The following LUZP2 variants were observed in gnomAD, a reference collection of about 807,000 sequenced individuals.
LUZP2 encodes leucine zipper protein 2.
A neutral mutation model predicts 51.6 loss-of-function variants in LUZP2; 52 were observed. The observed-to-expected ratio is 1.01, with a 90% CI of 0.81 to 1.27. The LOEUF (loss-of-function observed/expected upper bound fraction) is 1.27. LUZP2 is among the 50% of genes most tolerant of loss of function. The pLI, the probability that LUZP2 is intolerant of heterozygous loss-of-function variation, is 0.00. For synonymous variants in LUZP2, 154 were observed against 137.3 expected (o/e 1.12, Z -0.85); for missense variants, 436 against 395.4 (o/e 1.10, Z -0.87).
At chr11:24,734,449 A>T (rs1033672317) in intron 3 of LUZP2, among the ~76,000 whole-genome samples, 8 of 151,904 alleles carry the variant, frequency 5.3e-5, no homozygotes, top group Non-Finnish European at 1.0e-4. Flanking sequence ...CTACCAGATG[A>T]TAGAACAAGT....
chr11:24,775,546 A>G (rs1848891796), intron 5 of LUZP2, among the ~76,000 whole-genome samples: 1 of 152,200 alleles, frequency 6.6e-6, no homozygotes, highest in African/African-American at 2.4e-5. Flanking sequence ...TTTACTTAGT[A>G]TTCCAGAGGT....
At chr11:24,773,765 C>A (rs896159824) in intron 5 of LUZP2, among the ~76,000 whole-genome samples, 4 of 152,084 alleles carry the variant, frequency 2.6e-5, no homozygotes, top group African/African-American at 7.2e-5. Flanking sequence ...TTATAATCAG[C>A]AAAAGGCTAC....
chr11:24,819,908 A>G (rs1298955192), intron 5 of LUZP2, among the ~76,000 whole-genome samples: 1 of 152,154 alleles, frequency 6.6e-6, no homozygotes, highest in Non-Finnish European at 1.5e-5. Context: ...GAAAATGAAA[A>G]TGACAATTCC....
rs1228129490 is a variant in LUZP2 at position 24,565,189 on chromosome 11, C to T, written c.62+67884C>T. ...CATGAGGAAGGCTGGATGTAGTCGC[C>T]CTCTGAACTTTGTGTCTAGGACTGG... On this transcript the variant is annotated intron_variant, in intron 1 of 11. Transcript: ENST00000336930. Among the ~76,000 whole-genome samples, 3 of 152,110 alleles carry T rather than the reference C, an allele frequency of 2.0e-5. No homozygotes were observed. In the East Asian group the frequency reaches 5.8e-4, roughly 29 times the overall value.
intron 9 of LUZP2, among the ~76,000 whole-genome samples, chr11:25,006,619 C>A (rs1256048698): frequency 6.6e-6 from 1 of 152,212 alleles, no homozygotes; most frequent in African/African-American, 2.4e-5. Flanking sequence ...GTATTTAGCC[C>A]CCAAATTCTA....
intron 5 of LUZP2, among the ~76,000 whole-genome samples, chr11:24,865,708 G>A (rs936063203): frequency 1.6e-5 from 1 of 64,442 alleles, no homozygotes; most frequent in Non-Finnish European, 3.8e-5. Context: ...TTATATGTTT[G>A]TGTATATATA....
At position 25,050,132 on chromosome 11, in the gene LUZP2, T is replaced by C. The variant is rs747870233; in HGVS notation, c.858+2T>C. ...ACCACTGCCTGTGACTCTCAAGATG[T>C]AAGAAAAACTTAAGATGCTTTTTAC... On this transcript the variant is annotated splice_donor_variant, in intron 10 of 11. Coordinates refer to ENST00000336930, the MANE Select transcript of LUZP2 (RefSeq NM_001009909.4). LOFTEE classifies it high-confidence loss of function. 2 of 1,574,402 alleles carry C rather than the reference T, an allele frequency of 1.3e-6. No homozygotes were observed. The highest frequency in any genetic ancestry group is 1.7e-6 in the Non-Finnish European group (2 of 1,155,410).
chr11:24,826,436 A>G (rs867173482), intron 5 of LUZP2, among the ~76,000 whole-genome samples: 1 of 151,740 alleles, frequency 6.6e-6, no homozygotes, highest in Non-Finnish European at 1.5e-5. Context: ...CATACAGAAG[A>G]CACACACTAT....
intron 9 of LUZP2, among the ~76,000 whole-genome samples, chr11:25,047,619 A>G (rs907178439): frequency 2.1e-5 from 3 of 139,860 alleles, no homozygotes; most frequent in African/African-American, 7.9e-5. Context: ...AGAACATACA[A>G]TTACTATTCA....
intron 1 of LUZP2, among the ~76,000 whole-genome samples, chr11:24,510,442 T>C (rs1356505236): frequency 2.6e-5 from 4 of 152,332 alleles, no homozygotes; most frequent in Admixed American, 2.6e-4. Flanking sequence ...CCTTAATCAG[T>C]TGAGATTCAG....
At chr11:25,018,229 G>A (rs1295192047) in intron 9 of LUZP2, among the ~76,000 whole-genome samples, 1 of 151,962 alleles carries the variant, frequency 6.6e-6, no homozygotes, top group East Asian at 1.9e-4. Context: ...GATATTCTAG[G>A]TATGCAACCA....
intron 7 of LUZP2, among the ~76,000 whole-genome samples, chr11:24,945,203 CCTG>C (rs1854865655): frequency 6.6e-6 from 1 of 152,092 alleles, no homozygotes; most frequent in South Asian, 2.1e-4. Flanking sequence ...CTCTGCTCCT[CCTG>C]CTGTTTTCAT....
At position 24,785,814 on chromosome 11, in the gene LUZP2, G is replaced by T. The variant is rs1015819387; in HGVS notation, c.396+22506G>T. 1.4e-5 allele frequency: 13 copies of T among 962,814 alleles called. No homozygotes were observed. The Admixed American group carries it at 7.4e-4, about 55-fold the overall frequency. The allele number at this position is 962,814 out of a possible 1,614,324, so 59.6% of individuals were successfully genotyped here. ...TTTAGCCCACACTTCTCCTTTCACA[G>T]ATGAAAAGTTCCAGGCTTCAAGAGG... On this transcript the variant is annotated intron_variant, in intron 5 of 11. Transcript: ENST00000336930.
intron 5 of LUZP2, among the ~76,000 whole-genome samples, chr11:24,845,680 G>A (rs1851176632): frequency 6.6e-6 from 1 of 152,134 alleles, no homozygotes; most frequent in Admixed American, 6.5e-5. Flanking sequence ...CACTCTTCTT[G>A]TGATGGTGAA....
chr11:24,883,256 A>C (rs11028250), intron 5 of LUZP2, among the ~76,000 whole-genome samples: 73,720 of 151,650 alleles, frequency 0.49, 18,371 homozygotes, highest in East Asian at 0.69. Flanking sequence ...GCGTAGGAAG[A>C]AAATTTGTTC....
At chr11:24,578,681 C>T (rs1590202608) in intron 1 of LUZP2, among the ~76,000 whole-genome samples, 1 of 152,036 alleles carries the variant, frequency 6.6e-6, no homozygotes, top group South Asian at 2.1e-4. Flanking sequence ...AATGCAGAAA[C>T]AGAAAACCAA....
intron 7 of LUZP2, among the ~76,000 whole-genome samples, chr11:24,976,094 T>C (rs1855874634): frequency 6.6e-6 from 1 of 151,940 alleles, no homozygotes; most frequent in Non-Finnish European, 1.5e-5. Context: ...AATATCTCTG[T>C]TGTTTTTTTC....
intron 5 of LUZP2, among the ~76,000 whole-genome samples, chr11:24,835,691 A>G (rs1850842726): frequency 6.6e-6 from 1 of 152,210 alleles, no homozygotes; most frequent in East Asian, 1.9e-4. Context: ...CCTGATGCCT[A>G]TTTCATTTCA....
chr11:24,926,538 T>A (rs1854272567), intron 7 of LUZP2, among the ~76,000 whole-genome samples: 1 of 147,910 alleles, frequency 6.8e-6, no homozygotes, highest in South Asian at 2.1e-4. Flanking sequence ...TGTGTGTATA[T>A]ATATACGTGT....
Sources: allele counts gnomAD v4.1 joint callset (sites outside exome capture counted in the v4.1 genomes callset), GRCh38; gene constraint gnomAD v4.1.1; transcripts MANE v1.5; gene names NCBI Gene and HGNC (gene_info 2026-07-23, HGNC 2026-07-21).